VPS13A: variants seen among roughly 807,000 people sequenced by gnomAD.
VPS13A encodes the protein vacuolar protein sorting 13 homolog A, also known as intermembrane lipid transfer protein VPS13A.
Under a neutral mutation model 390.9 loss-of-function variants are expected in VPS13A, and 264 were observed. The ratio of observed to expected loss-of-function variants is 0.68; its 90% CI spans 0.61 to 0.75. The LOEUF (loss-of-function observed/expected upper bound fraction) is 0.75, where lower values mean the gene tolerates loss of function less well. Among genes scored for constraint, VPS13A ranks in the 30% least tolerant of loss-of-function variants. VPS13A has a pLI of 0.00. For missense variants in VPS13A, 3,409 were observed against 3,733.9 expected, an observed-to-expected ratio of 0.91 and a Z score of 2.27; for synonymous variants, 1,231 against 1,227.1, an observed-to-expected ratio of 1.00 and a Z score of -0.07.
intron 3 of VPS13A, 100 bp downstream of exon 3, chr9:77,201,507 C>A: frequency 1.9e-6 from 2 of 1,057,830 alleles, no homozygotes; most frequent in Non-Finnish European, 2.9e-6. Flanking sequence ...TGTTTCTGAG[C>A]ATCAATTAAA....
At position 77,228,190 on chromosome 9, in the gene VPS13A, A is replaced by C; in HGVS notation, c.1521A>C (p.Lys507Asn). The C allele has an allele frequency of 6.9e-6, 11 of 1,603,834 alleles. No individual in the cohort carries two copies. The highest frequency in any genetic ancestry group is 9.4e-6 in the Non-Finnish European group (11 of 1,174,720). Residue 507 changes from lysine to asparagine, a missense_variant, in exon 17 of 72, where the codon AAA (lysine) becomes AAC (asparagine). Transcript: ENST00000360280. Reference sequence around the variant, plus strand: ...TTGTTCTAAGAGAAAATCATCAAAAACCTGAGCTGGTAGATATTGTAATAG... The same window carrying C: ...TTGTTCTAAGAGAAAATCATCAAAACCCTGAGCTGGTAGATATTGTAATAG... ...MSIVLRENHQ[K>N]PELVDIVIEE...
intron 46 of VPS13A, among the ~76,000 whole-genome samples, chr9:77,333,238 T>C (rs1830370616): frequency 6.6e-6 from 1 of 152,160 alleles, no homozygotes; most frequent in South Asian, 2.1e-4. Flanking sequence ...TGTATCTCTG[T>C]CCATAGTAGA....
At chr9:77,199,258 C>A (rs1825186169) in intron 1 of VPS13A, among the ~76,000 whole-genome samples, 1 of 152,122 alleles carries the variant, frequency 6.6e-6, no homozygotes. Context: ...GGCTGGACTT[C>A]TAGGCTTGTG....
chr9:77,275,311 T>C (rs533747273), intron 24 of VPS13A, among the ~76,000 whole-genome samples, 187 bp from the exon 25 acceptor site: 1 of 152,310 alleles, frequency 6.6e-6, no homozygotes, highest in African/African-American at 2.4e-5. Flanking sequence ...AGTATCCCTT[T>C]GTTTAAAATG....
intron 67 of VPS13A, among the ~76,000 whole-genome samples, chr9:77,371,566 A>G (rs1024336218): frequency 6.6e-6 from 1 of 152,118 alleles, no homozygotes; most frequent in Admixed American, 6.5e-5. Flanking sequence ...AGTTTCCAAC[A>G]CATGCTCTTG....
intron 51 of VPS13A, 57 bp from the exon 52 acceptor site, chr9:77,344,952 A>C (rs1831066350): frequency 1.9e-6 from 3 of 1,556,916 alleles, no homozygotes; most frequent in Non-Finnish European, 2.6e-6. Flanking sequence ...AAATGTTATT[A>C]GTTAATATTC....
chr9:77,300,176 A>G (rs1256483463), intron 33 of VPS13A, among the ~76,000 whole-genome samples: 2 of 152,164 alleles, frequency 1.3e-5, no homozygotes, highest in Non-Finnish European at 2.9e-5. Context: ...TTTTGAGTGC[A>G]TAAATTTTTC....
chr9:77,321,275 T>A lies in VPS13A; in HGVS notation c.5522T>A (p.Leu1841Ter). Residue 1841 changes from leucine to a stop codon, truncating the protein, a stop_gained, in exon 43 of 72, where the codon TTA becomes TAA. Coordinates refer to ENST00000360280, the MANE Select transcript of VPS13A (RefSeq NM_033305.3). LOFTEE classifies it high-confidence loss of function. ...TVISFHSKDQ[L>*]NITLSKCGLV... ...ATCAGTTTCCATTCAAAAGACCAAT[T>A]AAACATTACATTATCCAAATGTGGT... The A allele has an allele frequency of 1.9e-6, 3 of 1,610,572 alleles. No individual in the cohort carries two copies. The highest frequency in any genetic ancestry group is 8.5e-7 in the Non-Finnish European group (1 of 1,177,802).
chr9:77,216,116 G>A (rs1372735417), intron 10 of VPS13A, among the ~76,000 whole-genome samples: 2 of 152,170 alleles, frequency 1.3e-5, no homozygotes, highest in Non-Finnish European at 2.9e-5. Context: ...TCCTCCTGCA[G>A]TGTCTCTCCA....
At position 77,420,757 on chromosome 9, in the gene VPS13A, T is replaced by C. The variant is rs967392317; in HGVS notation, c.*4751T>C. ...AACAAGAAACCCTGTGAGATTGGTATAATGAGATATCAAATAATCAGAAGT... is the reference window on the plus strand; with the variant it reads ...AACAAGAAACCCTGTGAGATTGGTACAATGAGATATCAAATAATCAGAAGT... On this transcript the variant is annotated 3_prime_UTR_variant, in exon 72 of 72. Transcript: ENST00000360280. 1.3e-5 allele frequency: 2 copies of C among 152,208 alleles called. No individual in the cohort carries two copies. The highest frequency in any genetic ancestry group is 4.8e-5 in the African/African-American group (2 of 41,460). 9.4% of individuals were successfully genotyped at this position (152,208 alleles called of 1,614,324 possible). A position where few individuals can be genotyped will look rare whatever the true frequency, so the allele number is the denominator to read the frequency against.
chr9:77,286,807 A>G (rs1160406694), intron 31 of VPS13A, among the ~76,000 whole-genome samples: 2 of 152,192 alleles, frequency 1.3e-5, no homozygotes, highest in Non-Finnish European at 2.9e-5. Context: ...TGAGAAAAAT[A>G]CTATTAAGTA....
intron 59 of VPS13A, 29 bp from the exon 60 acceptor site, chr9:77,365,431 A>T: frequency 6.9e-7 from 1 of 1,445,596 alleles, no homozygotes; most frequent in Non-Finnish European, 9.7e-7. Context: ...AGGTCCCTTT[A>T]GTTTTAATAT....
intron 45 of VPS13A, among the ~76,000 whole-genome samples, chr9:77,324,334 A>G (rs1170292772): frequency 1.3e-5 from 2 of 152,156 alleles, no homozygotes; most frequent in Admixed American, 1.3e-4. Context: ...AAGTGGTGAG[A>G]GCATGTTTTT....
Position 77,339,598 on chromosome 9 carries a change from A to G in VPS13A, c.6461A>G (p.His2154Arg), listed in dbSNP as rs768249873. Residue 2154 changes from histidine to arginine, a missense_variant, in exon 48 of 72, where the codon CAT (histidine) becomes CGT (arginine). His to Arg is a conservative substitution (Grantham distance 29). This residue lies in a region of VPS13A where 2,717 missense variants were observed against 2,917.4 expected (regional missense o/e 0.93). Coordinates refer to ENST00000360280, the MANE Select transcript of VPS13A (RefSeq NM_033305.3). Reference sequence around the variant, plus strand: ...GCACAGTTGGGTAAAGCCAGGCTACATTTAAAATTACTTGACTATCTCAAT... The same window carrying G: ...GCACAGTTGGGTAAAGCCAGGCTACGTTTAAAATTACTTGACTATCTCAAT... Reference protein sequence around the residue: ...CTAQLGKARLHLKLLDYLNHD... With the variant: ...CTAQLGKARLRLKLLDYLNHD... 51 of 1,609,420 alleles carry G rather than the reference A, an allele frequency of 3.2e-5. No homozygotes were observed. Among genetic ancestry groups the G allele is most frequent in the Non-Finnish European group, 4.2e-5 (50 of 1,177,418 alleles).
chr9:77,392,724 A>G (rs955115145), intron 68 of VPS13A, among the ~76,000 whole-genome samples: 1 of 148,810 alleles, frequency 6.7e-6, no homozygotes, highest in African/African-American at 2.5e-5. Flanking sequence ...CTATATATAC[A>G]CTATATAAAA....
chr9:77,177,619 C>T lies in VPS13A; in HGVS notation c.-86C>T, dbSNP rs1349342454. 1.5e-6 allele frequency: 2 copies of T among 1,298,110 alleles called. No homozygotes were observed. Among genetic ancestry groups the T allele is most frequent in the African/African-American group, 2.9e-5 (2 of 68,654 alleles). The allele number at this position is 1,298,110 out of a possible 1,614,324, so 80.4% of individuals were successfully genotyped here. On this transcript the variant is annotated 5_prime_UTR_variant, in exon 1 of 72. Transcript: ENST00000360280. ...TGAAGCCGCCCCGGAGCCGGTGAAC[C>T]GAATTACCTCGAGGGAGGGGCGTGG...
rs752186041 is a variant in VPS13A, at chr9:77,382,047, CGTACAG to C, written c.9152_9157del (p.Tyr3051_Arg3052del). ...TTCAATGAAGATGGAGTTATCAGAC[CGTACAG>C]GTTGAGGGATGGGACTGGAAATCAA... On this transcript the variant is annotated inframe_deletion, in exon 68 of 72. Coordinates refer to ENST00000360280, the MANE Select transcript of VPS13A (RefSeq NM_033305.3). 6.2e-7 allele frequency: 1 copy of C among 1,608,008 alleles called. No homozygotes were observed. Among genetic ancestry groups the C allele is most frequent in the Non-Finnish European group, 8.5e-7 (1 of 1,176,916 alleles).
rs1824711792 is a variant in VPS13A, at chr9:77,244,843, G to GATCCATTTCCACA, written c.1901-2416_1901-2415insATCCATTTCCACA. On this transcript the variant is annotated intron_variant, in intron 19 of 71. Coordinates refer to ENST00000360280, the MANE Select transcript of VPS13A (RefSeq NM_033305.3). ...TAGATGCCCCAATTTAGTCTTGGTG[G>GATCCATTTCCACA]TAGTGTCAGAGAAGATCTCTGAAAA... Among the ~76,000 whole-genome samples, 19 of 152,230 alleles carry GATCCATTTCCACA rather than the reference G, an allele frequency of 1.2e-4. No homozygotes were observed. The South Asian group carries it at 3.9e-3, about 32-fold the overall frequency.
chr9:77,189,915 G>A (rs535209397), intron 1 of VPS13A, among the ~76,000 whole-genome samples: 14 of 152,206 alleles, frequency 9.2e-5, no homozygotes, highest in Admixed American at 9.2e-4. Context: ...GATGTTATTG[G>A]TATATAGAAA....
Sources: allele counts gnomAD v4.1 joint callset (sites outside exome capture counted in the v4.1 genomes callset), GRCh38; gene constraint gnomAD v4.1.1; regional missense constraint gnomAD v4.1.1; transcripts MANE v1.5; gene names NCBI Gene and HGNC (gene_info 2026-07-23, HGNC 2026-07-21).